The following TRAPPC9 variants were observed in gnomAD, a reference collection of about 807,000 sequenced individuals.
TRAPPC9 encodes the protein IKK2 binding protein.
TRAPPC9 carries 83 observed loss-of-function variants against 124.0 expected under a neutral mutation model. The observed-to-expected ratio is 0.67, with a 90% CI of 0.56 to 0.80. The LOEUF is 0.80. TRAPPC9 is among the 30% of genes least tolerant of loss of function. The pLI is 0.00. For synonymous variants in TRAPPC9, 638 were observed against 617.5 expected (o/e 1.03, Z -0.49); for missense variants, 1,302 against 1,508.3 (o/e 0.86, Z 2.27).
chr8:140,001,038 A>G (rs1267723197), intron 18 of TRAPPC9, among the ~76,000 whole-genome samples: 1 of 152,238 alleles, frequency 6.6e-6, no homozygotes, highest in Non-Finnish European at 1.5e-5. Context: ...TATACCATGG[A>G]ATACTATGCA....
intron 19 of TRAPPC9, among the ~76,000 whole-genome samples, chr8:139,968,804 C>T (rs1347262863): frequency 1.3e-5 from 2 of 152,212 alleles, no homozygotes; most frequent in Non-Finnish European, 2.9e-5. Context: ...TCACAGATGC[C>T]AACACTGAGG....
In TRAPPC9 at chr8:140,405,683, T is replaced by C. The variant is rs779620347; in HGVS notation, c.902A>G (p.Asn301Ser). The C allele has an allele frequency of 8.1e-6, 13 of 1,614,204 alleles. No individual in the cohort carries two copies. Among genetic ancestry groups the C allele is most frequent in the Admixed American group, 3.3e-5 (2 of 60,032 alleles). The change falls in exon 6 of 23, where the codon AAT becomes AGT. Residue 301 changes from asparagine (N) to serine (S), a missense_variant. Around this residue, in one of 3 missense-constraint regions of TRAPPC9, gnomAD observed 657 missense variants for 811.2 expected, o/e 0.81. Transcript: ENST00000438773. Reference sequence around the variant, plus strand: ...AGTACTGGTGTCAGGGTTGATGCCATTGGTGGTGAGGGCACCTGCAAACCA... The same window carrying C: ...AGTACTGGTGTCAGGGTTGATGCCACTGGTGGTGAGGGCACCTGCAAACCA... ...VLIDPGALTTNGINPDTSTEI... is the reference protein window; with the variant it reads ...VLIDPGALTTSGINPDTSTEI...
At chr8:140,426,505 C>G (rs2070427875) in intron 5 of TRAPPC9, 110 bp downstream of exon 5, 46 of 1,123,610 alleles carry the variant, frequency 4.1e-5, no homozygotes, top group Non-Finnish European at 6.2e-5. Flanking sequence ...TTACTTAAAT[C>G]AGAATGTTCC....
At chr8:140,184,506 G>T (rs1406116711) in intron 17 of TRAPPC9, among the ~76,000 whole-genome samples, 4 of 152,046 alleles carry the variant, frequency 2.6e-5, no homozygotes, top group Non-Finnish European at 2.9e-5. Context: ...CACAACCTCG[G>T]CTCACTGCAA....
intron 21 of TRAPPC9, among the ~76,000 whole-genome samples, chr8:139,877,111 G>A (rs1829367508): frequency 6.6e-6 from 1 of 152,246 alleles, no homozygotes; most frequent in South Asian, 2.1e-4. Context: ...ACTCCATAAT[G>A]TGGATAAAAC....
chr8:139,974,491 C>T (rs149826021), intron 19 of TRAPPC9, among the ~76,000 whole-genome samples: 2,739 of 152,318 alleles, frequency 0.018, 36 homozygotes, highest in Middle Eastern at 0.034. Flanking sequence ...AACCTCTTGG[C>T]AACCCAGAGG....
At chr8:140,003,422 A>G (rs539728454) in intron 18 of TRAPPC9, among the ~76,000 whole-genome samples, 1 of 152,104 alleles carries the variant, frequency 6.6e-6, no homozygotes, top group East Asian at 1.9e-4. Context: ...AACAAAAACC[A>G]AAACCTCGTC....
chr8:140,120,564 C>A (rs552910474), intron 17 of TRAPPC9, among the ~76,000 whole-genome samples: 1 of 151,824 alleles, frequency 6.6e-6, no homozygotes, highest in Admixed American at 6.5e-5. Flanking sequence ...TCCATCCATC[C>A]ATCCAACATC....
intron 19 of TRAPPC9, among the ~76,000 whole-genome samples, chr8:139,986,196 CTG>C (rs1837231472): frequency 6.6e-6 from 1 of 152,094 alleles, no homozygotes; most frequent in South Asian, 2.1e-4. Context: ...TGAGCCAGGA[CTG>C]TGCCACTGCA....
chr8:140,367,737 T>C (rs1203427417), intron 8 of TRAPPC9, among the ~76,000 whole-genome samples: 1 of 152,060 alleles, frequency 6.6e-6, no homozygotes, highest in Admixed American at 6.5e-5. Flanking sequence ...CTTTGGGTGA[T>C]GATGATGTGT....
At chr8:139,921,024 A>G (rs1480414947) in intron 19 of TRAPPC9, among the ~76,000 whole-genome samples, 1 of 152,208 alleles carries the variant, frequency 6.6e-6, no homozygotes. Flanking sequence ...TGTGGGTGCC[A>G]CAACTGGGAG....
chr8:139,747,902 AG>A lies in TRAPPC9; in HGVS notation c.3056-15701del, dbSNP rs570983119. ...ACACACAGCAGGTGTCAGAGCAGGTAGGGGGGGCATACAGGGGTCAGAGTGG... is the reference window on the plus strand; with the variant it reads ...ACACACAGCAGGTGTCAGAGCAGGTAGGGGGGCATACAGGGGTCAGAGTGG... On this transcript the variant is annotated intron_variant, in intron 21 of 22. Transcript: ENST00000438773. Among the ~76,000 whole-genome samples the A allele has an allele frequency of 3.0e-4, 8 of 26,272 alleles. No homozygotes were observed. In the South Asian group the frequency reaches 4.8e-3, roughly 16 times the overall value. The allele number at this position is 26,272 out of a possible 152,430, so 17.2% of individuals were successfully genotyped here.
At position 140,266,283 on chromosome 8, in the gene TRAPPC9, C is replaced by T. The variant is rs11985080; in HGVS notation, c.2278+9375G>A. On this transcript the variant is annotated intron_variant, in intron 15 of 22. Coordinates refer to ENST00000438773, the MANE Select transcript of TRAPPC9 (RefSeq NM_001160372.4). The stretch of plus-strand genomic sequence containing the variant: ...CCAGCCTGGCCAACATGGTGAAACT[C>T]TGCCTCTACTAAAAATACAAAAGAA... 7.9e-3 allele frequency among the ~76,000 whole-genome samples: 1,207 copies of T among 151,992 alleles called. 18 individuals carry two copies. Among genetic ancestry groups the T allele is most frequent in the African/African-American group, 0.028 (1,151 of 41,426 alleles).
In TRAPPC9 at chr8:140,087,676, T is replaced by G. The variant is rs1381873915; in HGVS notation, c.2557-63597A>C. On this transcript the variant is annotated intron_variant, in intron 17 of 22. Coordinates refer to ENST00000438773, the MANE Select transcript of TRAPPC9 (RefSeq NM_001160372.4). The surrounding 1 kb of genome is among the most constrained non-coding windows in gnomAD (Gnocchi z 4.6). ...CTGCTGCCGCCCTCATCCAAGCCAC[T>G]GTCATCGCTTGTCTGGACAATGCCA... Among the ~76,000 whole-genome samples the G allele has an allele frequency of 3.3e-5, 5 of 152,174 alleles. No homozygotes were observed. Among genetic ancestry groups the G allele is most frequent in the African/African-American group, 1.2e-4 (5 of 41,444 alleles).
At chr8:140,001,147 C>G (rs1838367986) in intron 18 of TRAPPC9, among the ~76,000 whole-genome samples, 1 of 152,128 alleles carries the variant, frequency 6.6e-6, no homozygotes, top group Admixed American at 6.6e-5. Context: ...AAACCAAATA[C>G]CACATGTTCT....
intron 21 of TRAPPC9, among the ~76,000 whole-genome samples, chr8:139,811,637 G>T (rs1824451121): frequency 6.6e-6 from 1 of 152,230 alleles, no homozygotes. Flanking sequence ...TCTCAATAGG[G>T]TGGAGGGAGC....
chr8:140,226,987 T>A (rs2063469958), intron 16 of TRAPPC9, among the ~76,000 whole-genome samples: 1 of 152,214 alleles, frequency 6.6e-6, no homozygotes, highest in Admixed American at 6.5e-5. Context: ...ACTCCATGGA[T>A]TCTTTATAGA....
At chr8:140,270,334 C>A (rs929931729) in intron 15 of TRAPPC9, among the ~76,000 whole-genome samples, 1 of 152,208 alleles carries the variant, frequency 6.6e-6, no homozygotes, top group African/African-American at 2.4e-5. Context: ...TTCCCACACG[C>A]TTGTCTACGT....
At chr8:139,740,717 C>T (rs577331023) in intron 21 of TRAPPC9, among the ~76,000 whole-genome samples, 2 of 152,234 alleles carry the variant, frequency 1.3e-5, no homozygotes, top group African/African-American at 2.4e-5. Flanking sequence ...AAGGCCCACA[C>T]GGGCGGTGAG....
Sources: allele counts gnomAD v4.1 joint callset (sites outside exome capture counted in the v4.1 genomes callset), GRCh38; gene constraint gnomAD v4.1.1; regional missense constraint gnomAD v4.1.1; non-coding constraint Gnocchi (gnomAD v3.1); transcripts MANE v1.5; gene names NCBI Gene and HGNC (gene_info 2026-07-23, HGNC 2026-07-21).